ATXN1: variants seen among roughly 807,000 people sequenced by gnomAD.
ATXN1 encodes ataxin 1, also known as ataxin-1.
ATXN1 carries 8 observed loss-of-function variants against 56.4 expected under a neutral mutation model. That is an observed-to-expected ratio of 0.14 (90% CI 0.08 to 0.26). The LOEUF is 0.26. Ranked by LOEUF, ATXN1 falls within the 10% of genes least tolerant of loss-of-function variation. ATXN1 has a pLI of 1.00. For missense variants in ATXN1, 987 were observed against 1,106.5 expected, an observed-to-expected ratio of 0.89 and a Z score of 1.53; for synonymous variants, 514 against 494.6, an observed-to-expected ratio of 1.04 and a Z score of -0.52.
intron 4 of ATXN1, among the ~76,000 whole-genome samples, chr6:16,554,763 G>C (rs1167478386): frequency 6.6e-6 from 1 of 151,978 alleles, no homozygotes; most frequent in Non-Finnish European, 1.5e-5. Context: ...TAATTTTTTT[G>C]TATTTTTAGT....
intron 3 of ATXN1, among the ~76,000 whole-genome samples, chr6:16,610,520 G>C (rs1044073591): frequency 6.6e-6 from 1 of 151,894 alleles, no homozygotes; most frequent in East Asian, 1.9e-4. Context: ...CAGCTCTAAT[G>C]GCAAAGGGTT....
chr6:16,737,241 C>T (rs1208242249), intron 2 of ATXN1: 1 of 152,198 alleles, frequency 6.6e-6, no homozygotes, highest in Non-Finnish European at 1.5e-5. Flanking sequence ...TCAGAGGACC[C>T]ATTTGTGATT....
chr6:16,690,162 T>G (rs80157586), intron 2 of ATXN1, among the ~76,000 whole-genome samples: 1 of 152,120 alleles, frequency 6.6e-6, no homozygotes, highest in Non-Finnish European at 1.5e-5. Flanking sequence ...TCTGCTCAAG[T>G]GACCCTTTGG....
intron 6 of ATXN1, among the ~76,000 whole-genome samples, chr6:16,414,292 G>A (rs1360887600): frequency 3.9e-5 from 6 of 152,142 alleles, no homozygotes; most frequent in South Asian, 2.1e-4. Flanking sequence ...AGACAGCATC[G>A]AGCCAACTGA....
In ATXN1 at chr6:16,301,917, TAAA is replaced by T. The variant is rs1166489605; in HGVS notation, c.*4409_*4411del. On this transcript the variant is annotated 3_prime_UTR_variant, in exon 8 of 8. Transcript: ENST00000436367. The stretch of plus-strand genomic sequence containing the variant: ...AGGTTTCCTTAGTAGTCACAGATGT[TAAA>T]GGGTATTGTCAATCGTTTCCTTAAA... 1 of 152,752 alleles carries T rather than the reference TAAA, an allele frequency of 6.5e-6. No individual in the cohort carries two copies. The highest frequency in any genetic ancestry group is 2.4e-5 in the African/African-American group (1 of 41,454). The allele number at this position is 152,752 out of a possible 1,614,324, so 9.5% of individuals were successfully genotyped here. A position where few individuals can be genotyped will look rare whatever the true frequency, so the allele number is the denominator to read the frequency against.
chr6:16,657,001 T>TTTA (rs1758216979), intron 3 of ATXN1, among the ~76,000 whole-genome samples: 1 of 136,530 alleles, frequency 7.3e-6, no homozygotes, highest in African/African-American at 2.6e-5. Context: ...TTTTTTTTTT[T>TTTA]GAGATGGAGT....
intron 6 of ATXN1, among the ~76,000 whole-genome samples, chr6:16,379,921 C>T (rs1303947457): frequency 2.0e-5 from 3 of 152,068 alleles, no homozygotes; most frequent in African/African-American, 2.4e-5. Context: ...GAAAGGAAAA[C>T]AAGAAAGAAG....
At chr6:16,478,114 A>T (rs1320400316) in intron 6 of ATXN1, among the ~76,000 whole-genome samples, 2 of 152,196 alleles carry the variant, frequency 1.3e-5, no homozygotes, top group Non-Finnish European at 2.9e-5. Flanking sequence ...TATAAACGCC[A>T]ATGACAGTGA....
intron 6 of ATXN1, among the ~76,000 whole-genome samples, chr6:16,364,008 G>T (rs1474273391): frequency 6.6e-6 from 1 of 152,216 alleles, no homozygotes; most frequent in Admixed American, 6.5e-5. Context: ...TTTTGATTAT[G>T]AGACAAGGTA....
At chr6:16,720,672 CA>C (rs1203606695) in intron 2 of ATXN1, among the ~76,000 whole-genome samples, 1 of 152,122 alleles carries the variant, frequency 6.6e-6, no homozygotes, top group African/African-American at 2.4e-5. Context: ...TCAGTTGATC[CA>C]AACATGGCTT....
chr6:16,759,542 T>TTTTG (rs1581431215), intron 1 of ATXN1, among the ~76,000 whole-genome samples: 1 of 145,912 alleles, frequency 6.9e-6, no homozygotes, highest in East Asian at 2.0e-4. Context: ...TTTTTTTTTT[T>TTTTG]TTTTTTTTTT....
At chr6:16,701,039 G>C (rs886280017) in intron 2 of ATXN1, among the ~76,000 whole-genome samples, 1 of 151,706 alleles carries the variant, frequency 6.6e-6, no homozygotes, top group Non-Finnish European at 1.5e-5. Context: ...GAACAGAAGC[G>C]AGGTTTGGGA....
intron 4 of ATXN1, among the ~76,000 whole-genome samples, chr6:16,527,945 C>T (rs542804983): frequency 6.6e-6 from 1 of 152,280 alleles, no homozygotes; most frequent in African/African-American, 2.4e-5. Flanking sequence ...ACCGCTTTTA[C>T]ATGAGTGAGC....
At chr6:16,456,643 T>TC (rs949323846) in intron 6 of ATXN1, among the ~76,000 whole-genome samples, 41 of 152,278 alleles carry the variant, frequency 2.7e-4, no homozygotes, top group African/African-American at 9.9e-4. Context: ...ATCTATCCTA[T>TC]CTATCCTGAC....
chr6:16,687,578 G>A (rs1758943411), intron 2 of ATXN1, among the ~76,000 whole-genome samples: 1 of 150,616 alleles, frequency 6.6e-6, no homozygotes, highest in South Asian at 2.1e-4. Context: ...AACGGATTTA[G>A]AATTTCGCAG....
intron 7 of ATXN1, among the ~76,000 whole-genome samples, chr6:16,311,861 T>TAG (rs1760398740): frequency 6.6e-6 from 1 of 152,228 alleles, no homozygotes; most frequent in South Asian, 2.1e-4. Context: ...TAAGACTCTC[T>TAG]ACCAGAGTTG....
At chr6:16,515,617 C>T (rs1561734927) in intron 5 of ATXN1, among the ~76,000 whole-genome samples, 2 of 152,212 alleles carry the variant, frequency 1.3e-5, no homozygotes, top group Admixed American at 6.5e-5. Flanking sequence ...CAGTCTCCCC[C>T]TTTCTCTCTA....
At chr6:16,619,890 A>G (rs952342131) in intron 3 of ATXN1, among the ~76,000 whole-genome samples, 5 of 151,056 alleles carry the variant, frequency 3.3e-5, no homozygotes, top group African/African-American at 1.2e-4. Flanking sequence ...GGGAAAAAAA[A>G]AAAGAAAAAA....
intron 4 of ATXN1, among the ~76,000 whole-genome samples, chr6:16,560,907 T>C (rs1397707302): frequency 6.6e-6 from 1 of 152,188 alleles, no homozygotes; most frequent in Admixed American, 6.5e-5. Context: ...TAGTCAAACA[T>C]ATCAACCTTG....
Sources: gnomAD v4.1 joint callset for allele counts (sites outside exome capture counted in the v4.1 genomes callset) on GRCh38, gnomAD v4.1.1 for gene constraint, MANE v1.5 for transcripts, NCBI Gene and HGNC (gene_info 2026-07-23, HGNC 2026-07-21) for gene names.